The following PUDP variants were observed in gnomAD, a reference collection of about 807,000 sequenced individuals.
PUDP encodes pseudouridine-5'-phosphatase.
PUDP carries 8 observed loss-of-function variants against 9.4 expected under a neutral mutation model. That is an observed-to-expected ratio of 0.85 (90% CI 0.50 to 1.53). The LOEUF is 1.53. Among genes scored for constraint, PUDP ranks in the 40% most tolerant of loss-of-function variants. PUDP has a pLI of 0.00. For synonymous variants in PUDP, 99 were observed against 80.7 expected (o/e 1.23, Z -1.22); for missense variants, 188 against 189.7 (o/e 0.99, Z 0.05).
At chrX:6,898,179 C>T (rs1184484735) in intron 3 of PUDP, among the ~76,000 whole-genome samples, 2 of 112,253 alleles carry the variant, frequency 1.8e-5, no homozygotes, top group Non-Finnish European at 3.8e-5. Context: ...CCAGGGAGCA[C>T]ATGAGTCCAC....
At chrX:6,985,213 C>T (rs1034174493) in intron 1 of PUDP, among the ~76,000 whole-genome samples, 1 of 112,035 alleles carries the variant, frequency 8.9e-6, no homozygotes, top group African/African-American at 3.2e-5. Context: ...TTTTCCAGAG[C>T]TTCTATACCT....
intron 3 of PUDP, among the ~76,000 whole-genome samples, chrX:6,852,148 C>T (rs1320967600): frequency 8.9e-6 from 1 of 112,144 alleles, no homozygotes; most frequent in Non-Finnish European, 1.9e-5. Flanking sequence ...CTACTCTGTG[C>T]ATGGCTACAG....
At chrX:6,964,099 A>G (rs1358530364) in intron 3 of PUDP, among the ~76,000 whole-genome samples, 1 of 112,340 alleles carries the variant, frequency 8.9e-6, no homozygotes, top group Non-Finnish European at 1.9e-5. Flanking sequence ...TATAGGCAAC[A>G]CGGGGCTTTA....
chrX:6,870,214 G>C (rs72609570), intron 3 of PUDP, among the ~76,000 whole-genome samples: 10,423 of 111,654 alleles, frequency 0.093, 606 homozygotes, highest in East Asian at 0.46. Context: ...ACAAGGTGCA[G>C]AGAGTTCTGG....
intron 3 of PUDP, among the ~76,000 whole-genome samples, chrX:6,751,674 A>G (rs1306668306): frequency 2.7e-5 from 3 of 111,780 alleles, no homozygotes; most frequent in African/African-American, 9.8e-5. Context: ...GACGTCAGAA[A>G]TATAAAACTC....
chrX:6,902,157 A>T (rs1390555691), intron 3 of PUDP, among the ~76,000 whole-genome samples: 1 of 111,931 alleles, frequency 8.9e-6, no homozygotes, highest in Non-Finnish European at 1.9e-5. Flanking sequence ...AAGTTCTGGG[A>T]TTATAGGCAG....
At chrX:6,891,793 T>C (rs986350771) in intron 3 of PUDP, among the ~76,000 whole-genome samples, 1 of 112,075 alleles carries the variant, frequency 8.9e-6, no homozygotes, top group Admixed American at 9.5e-5. Flanking sequence ...ACCTCTTCCA[T>C]GAAGACCTCT....
At chrX:6,777,241 C>T (rs1276767879) in intron 3 of PUDP, among the ~76,000 whole-genome samples, 1 of 111,927 alleles carries the variant, frequency 8.9e-6, no homozygotes, top group Non-Finnish European at 1.9e-5. Flanking sequence ...GTTTCTGTAC[C>T]TACACCTTAA....
chrX:6,714,411 T>C (rs1924570835), intron 1 of PUDP, among the ~76,000 whole-genome samples: 1 of 111,610 alleles, frequency 9.0e-6, no homozygotes, highest in African/African-American at 3.3e-5. Flanking sequence ...GTATGACAGA[T>C]ACACACAAAC....
chrX:6,734,328 T>G (rs975179662), intron 3 of PUDP, among the ~76,000 whole-genome samples: 1 of 111,733 alleles, frequency 8.9e-6, no homozygotes, highest in Non-Finnish European at 1.9e-5. Flanking sequence ...TCAAAATAGG[T>G]AAGAGATTAA....
chrX:6,927,622 C>CT (rs1439071252), intron 3 of PUDP, among the ~76,000 whole-genome samples: 1 of 111,382 alleles, frequency 9.0e-6, no homozygotes, highest in African/African-American at 3.3e-5. Flanking sequence ...GCCTTAGCCC[C>CT]TAAAGGTTCA....
chrX:6,711,343 T>G (rs1333053455), intron 1 of PUDP, among the ~76,000 whole-genome samples: 1 of 110,658 alleles, frequency 9.0e-6, no homozygotes, highest in East Asian at 2.8e-4. Flanking sequence ...GTGTAGATTC[T>G]TCTTGCTTCT....
chrX:7,007,570 T>C (rs191090892), intron 1 of PUDP, among the ~76,000 whole-genome samples: 74 of 112,634 alleles, frequency 6.6e-4, no homozygotes, highest in African/African-American at 2.1e-3. Context: ...TACTCAGTTA[T>C]ATTGAGCAAT....
intron 2 of PUDP, among the ~76,000 whole-genome samples, chrX:7,095,331 G>A (rs1931543688): frequency 8.9e-6 from 1 of 112,383 alleles, no homozygotes; most frequent in South Asian, 3.7e-4. Flanking sequence ...AGCGGCGGCA[G>A]GAGGCTGACA....
intron 3 of PUDP, among the ~76,000 whole-genome samples, chrX:7,057,084 C>A (rs897368598): frequency 1.8e-5 from 2 of 112,455 alleles, no homozygotes; most frequent in Non-Finnish European, 3.8e-5. Context: ...ACTTCTCCAA[C>A]GATGTTGAAG....
chrX:6,926,734 A>G (rs868654471), intron 3 of PUDP, among the ~76,000 whole-genome samples: 1 of 111,339 alleles, frequency 9.0e-6, no homozygotes, highest in Non-Finnish European at 1.9e-5. Flanking sequence ...TAGCATTTCC[A>G]TGCTTCCTAT....
chrX:7,120,050 A>G, intron 1 of PUDP, among the ~76,000 whole-genome samples: 2 of 111,454 alleles, frequency 1.8e-5, no homozygotes, highest in East Asian at 5.6e-4. Context: ...TATTTACAAT[A>G]CATACATACA....
At position 6,799,679 on chromosome X, in the gene PUDP, A is replaced by G. The variant is rs746535538; in HGVS notation, c.*248-93213T>C. On this transcript the variant is annotated intron_variant and NMD_transcript_variant, in intron 3 of 3. Transcript: ENST00000655425. The stretch of plus-strand genomic sequence containing the variant: ...ATGGAGAAACCCAGTCTCTACTAAA[A>G]ATACAAAATTAGCCAGACGTGGTGG... Among the ~76,000 whole-genome samples the G allele has an allele frequency of 2.7e-5, 3 of 111,429 alleles. No homozygotes were observed. The South Asian group carries it at 1.2e-3, about 43-fold the overall frequency.
rs150171435 is a variant in PUDP at position 6,920,695 on chromosome X, G to T, written c.*247+56438C>A. Reference sequence around the variant, plus strand: ...GTCCCCACCTTTCTGGACAAAACCAGTGTACTTCTTACATAAATTGATTGA... The same window carrying T: ...GTCCCCACCTTTCTGGACAAAACCATTGTACTTCTTACATAAATTGATTGA... On this transcript the variant is annotated intron_variant and NMD_transcript_variant, in intron 3 of 3. Transcript: ENST00000655425. Among the ~76,000 whole-genome samples, 173 of 111,740 alleles carry T rather than the reference G, an allele frequency of 1.5e-3. 5 individuals are homozygous for T. In the East Asian group the frequency reaches 0.043, roughly 28 times the overall value.
Sources: allele counts gnomAD v4.1 joint callset (sites outside exome capture counted in the v4.1 genomes callset), GRCh38; gene constraint gnomAD v4.1.1; transcripts MANE v1.5; gene names NCBI Gene and HGNC (gene_info 2026-07-23, HGNC 2026-07-21).